Variants in PDSS2 observed in about 807,000 individuals in gnomAD.
The protein encoded by PDSS2 is all trans-polyprenyl-diphosphate synthase PDSS2.
In PDSS2, 31 loss-of-function variants were observed where a neutral mutation model predicts 44.5. That is an observed-to-expected ratio of 0.70 (90% CI 0.52 to 0.94). The LOEUF (loss-of-function observed/expected upper bound fraction) is 0.94, where lower values mean the gene tolerates loss of function less well. Ranked by LOEUF, PDSS2 falls within the 40% of genes least tolerant of loss-of-function variation. The pLI is 0.00. For missense variants in PDSS2, 452 were observed against 482.2 expected (o/e 0.94, Z 0.59); for synonymous variants, 157 against 180.3 (o/e 0.87, Z 1.03).
chr6:107,229,459 A>AG (rs1341086699), intron 4 of PDSS2, among the ~76,000 whole-genome samples: 1 of 152,222 alleles, frequency 6.6e-6, no homozygotes, highest in Non-Finnish European at 1.5e-5. Flanking sequence ...CTGGGATTAC[A>AG]GGTGTGAGCA....
In PDSS2 at chr6:107,267,207, G is replaced by A. The variant is rs575212885; in HGVS notation, c.630+6822C>T. Among the ~76,000 whole-genome samples, 4 of 152,318 alleles carry A rather than the reference G, an allele frequency of 2.6e-5. No individual in the cohort carries two copies. The East Asian group carries it at 7.7e-4, about 29-fold the overall frequency. ...GGCAAATTACCAAAATGTGGACCTA[G>A]GTACTATCAAGGTCCAGAATATCTC... is the stretch of plus-strand genomic sequence containing the variant. On this transcript the variant is annotated intron_variant, in intron 3 of 7. Transcript: ENST00000369037.
At chr6:107,364,466 C>T (rs1778898143) in intron 1 of PDSS2, among the ~76,000 whole-genome samples, 2 of 152,198 alleles carry the variant, frequency 1.3e-5, no homozygotes, top group South Asian at 4.1e-4. Context: ...CTCAGTACAC[C>T]CTCCGCAGCC....
intron 1 of PDSS2, among the ~76,000 whole-genome samples, chr6:107,451,729 TGTTTGATCACCAATAAATAGGGCG>T (rs1354943462): frequency 6.6e-6 from 1 of 152,162 alleles, no homozygotes; most frequent in African/African-American, 2.4e-5. Flanking sequence ...CCTGCTTCTT[TGTTTGATCACCAATAAATAGGGCG>T]GGTTCCCAGA....
chr6:107,292,875 A>T (rs1582902318), intron 2 of PDSS2, among the ~76,000 whole-genome samples: 1 of 152,178 alleles, frequency 6.6e-6, no homozygotes, highest in Admixed American at 6.5e-5. Flanking sequence ...AGGCATCCTT[A>T]TCTAGGTTTC....
At chr6:107,374,589 A>C (rs1779226705) in intron 1 of PDSS2, among the ~76,000 whole-genome samples, 1 of 152,216 alleles carries the variant, frequency 6.6e-6, no homozygotes, top group Non-Finnish European at 1.5e-5. Context: ...AGGGCATAAA[A>C]TGCCATGAAC....
Position 107,301,121 on chromosome 6 carries a change from A to C in PDSS2, c.432-26894T>G, listed in dbSNP as rs114593955. On this transcript the variant is annotated intron_variant, in intron 2 of 7. Coordinates refer to ENST00000369037, the MANE Select transcript of PDSS2 (RefSeq NM_020381.4). Reference sequence around the variant, plus strand: ...AAGTGAAGTGATGAAATTTGAAAGAATGTATGAAGATAGCTTTTTATAGTA... The same window carrying C: ...AAGTGAAGTGATGAAATTTGAAAGACTGTATGAAGATAGCTTTTTATAGTA... Among the ~76,000 whole-genome samples, 378 of 152,356 alleles carry C rather than the reference A, an allele frequency of 2.5e-3. 3 individuals carry two copies. The highest frequency in any genetic ancestry group is 8.8e-3 in the African/African-American group (364 of 41,588).
chr6:107,270,401 C>T (rs553350059), intron 3 of PDSS2, among the ~76,000 whole-genome samples: 11 of 152,018 alleles, frequency 7.2e-5, no homozygotes, highest in African/African-American at 2.2e-4. Context: ...CATGAGCCAC[C>T]GTGCCTGGCC....
At chr6:107,256,182 G>C (rs1193624233) in intron 3 of PDSS2, among the ~76,000 whole-genome samples, 1 of 151,986 alleles carries the variant, frequency 6.6e-6, no homozygotes, top group African/African-American at 2.4e-5. Context: ...GTAGAGACAG[G>C]TTTTCACCGT....
At chr6:107,363,943 T>C (rs535432943) in intron 1 of PDSS2, among the ~76,000 whole-genome samples, 25 of 142,138 alleles carry the variant, frequency 1.8e-4, no homozygotes, top group African/African-American at 6.6e-4. Context: ...AGGGTGCTGA[T>C]TGGTGTGTTT....
intron 1 of PDSS2, among the ~76,000 whole-genome samples, chr6:107,452,247 T>A (rs922954496): frequency 2.0e-5 from 3 of 151,630 alleles, no homozygotes; most frequent in Non-Finnish European, 4.4e-5. Flanking sequence ...GAGAGTTCTT[T>A]TTTTTTTTGC....
intron 1 of PDSS2, among the ~76,000 whole-genome samples, chr6:107,336,614 G>A (rs1299422680): frequency 6.6e-6 from 1 of 151,978 alleles, no homozygotes; most frequent in Admixed American, 6.6e-5. Context: ...TTTTACGGCG[G>A]TTAAGAGGCA....
intron 2 of PDSS2, among the ~76,000 whole-genome samples, chr6:107,285,713 T>C (rs1776118348): frequency 6.6e-6 from 1 of 152,114 alleles, no homozygotes. Flanking sequence ...ACACCATAGA[T>C]AAAAACATAT....
Position 107,297,783 on chromosome 6 carries a change from T to G in PDSS2, c.432-23556A>C, listed in dbSNP as rs541063587. 4.7e-5 allele frequency among the ~76,000 whole-genome samples: 7 copies of G among 149,652 alleles called. No individual in the cohort carries two copies. In the South Asian group the frequency reaches 1.5e-3, roughly 32 times the overall value. ...ATTTATTTGACAGAGTCTCACTCTG[T>G]TGCCCAGGCTGGAGTGCAATGGCGC... On this transcript the variant is annotated intron_variant, in intron 2 of 7. Transcript: ENST00000369037.
intron 4 of PDSS2, among the ~76,000 whole-genome samples, chr6:107,235,089 A>C (rs964036428): frequency 6.6e-6 from 1 of 152,216 alleles, no homozygotes; most frequent in Non-Finnish European, 1.5e-5. Flanking sequence ...TAATTGTTCT[A>C]GCTTCTGCCT....
chr6:107,315,201 C>T (rs1582930564), intron 2 of PDSS2, among the ~76,000 whole-genome samples: 1 of 152,136 alleles, frequency 6.6e-6, no homozygotes. Flanking sequence ...ATAGAATTTG[C>T]AGATATAACT....
At chr6:107,412,322 C>G (rs1297375438) in intron 1 of PDSS2, among the ~76,000 whole-genome samples, 1 of 147,408 alleles carries the variant, frequency 6.8e-6, no homozygotes, top group Admixed American at 6.8e-5. Flanking sequence ...TCACTGCAAC[C>G]TCCACCTCCG....
intron 1 of PDSS2, among the ~76,000 whole-genome samples, chr6:107,371,604 C>T (rs1779130209): frequency 6.6e-6 from 1 of 152,112 alleles, no homozygotes; most frequent in Non-Finnish European, 1.5e-5. Context: ...TAGGTCACTT[C>T]AGAGTGAAAA....
chr6:107,291,551 C>CGG (rs71012792), intron 2 of PDSS2, among the ~76,000 whole-genome samples: 33,071 of 143,782 alleles, frequency 0.23, 5,107 homozygotes, highest in Middle Eastern at 0.45. Context: ...TAAGTAGAGA[C>CGG]GGGGGGGTCT....
intron 6 of PDSS2, among the ~76,000 whole-genome samples, chr6:107,195,620 GT>G (rs1275923830): frequency 6.7e-6 from 1 of 149,302 alleles, no homozygotes; most frequent in Non-Finnish European, 1.5e-5. Flanking sequence ...GAGTGCAGTG[GT>G]GTATCTCGGC....
Sources: gnomAD v4.1 joint callset for allele counts (sites outside exome capture counted in the v4.1 genomes callset) on GRCh38, gnomAD v4.1.1 for gene constraint, MANE v1.5 for transcripts, NCBI Gene and HGNC (gene_info 2026-07-23, HGNC 2026-07-21) for gene names.